Variants in PHF8 observed in about 807,000 individuals in gnomAD.
PHF8 encodes the protein histone lysine demethylase PHF8.
PHF8 carries 9 observed loss-of-function variants against 74.4 expected under a neutral mutation model. The observed-to-expected ratio is 0.12, with a 90% CI of 0.07 to 0.21. The LOEUF is 0.21. PHF8 is among the 10% of genes least tolerant of loss of function. The probability of loss-of-function intolerance (pLI) is 1.00; values close to 1 mark genes in which losing one functional copy is unlikely to be tolerated. For missense variants in PHF8, 478 were observed against 816.6 expected, an observed-to-expected ratio of 0.59 and a Z score of 5.05; for synonymous variants, 311 against 316.6, an observed-to-expected ratio of 0.98 and a Z score of 0.19.
intron 21 of PHF8, 142 bp downstream of exon 21, chrX:53,940,038 T>C: frequency 2.1e-6 from 1 of 486,530 alleles, no homozygotes. Flanking sequence ...TCAACATCTC[T>C]CCATGGCCCA....
intron 18 of PHF8, among the ~76,000 whole-genome samples, chrX:53,965,150 TGCACGTGCACGTGTGCACACACACACAC>T (rs2065163827): frequency 9.0e-6 from 1 of 111,441 alleles, no homozygotes; most frequent in South Asian, 3.7e-4. Flanking sequence ...AAAAAGAACA[TGCACGTGCACGTGTGCACACACACACAC>T]GCACGCACAC....
chrX:53,942,683 G>A (rs1434575787), intron 20 of PHF8: 7 of 721,660 alleles, frequency 9.7e-6, no homozygotes, highest in African/African-American at 2.5e-5. Flanking sequence ...CACGAATGTT[G>A]TAGAAGCATA....
intron 14 of PHF8, among the ~76,000 whole-genome samples, chrX:53,989,739 A>T (rs1459154540): frequency 8.9e-6 from 1 of 112,284 alleles, no homozygotes; most frequent in Non-Finnish European, 1.9e-5. Flanking sequence ...TAATTTGGTT[A>T]AATTGACTTT....
intron 10 of PHF8, among the ~76,000 whole-genome samples, 197 bp downstream of exon 10, chrX:54,001,958 A>T (rs2065834244): frequency 9.0e-6 from 1 of 110,769 alleles, no homozygotes; most frequent in African/African-American, 3.3e-5. Flanking sequence ...CACTAGGGAG[A>T]TTTTTTTTAA....
At position 53,985,066 on chromosome X, in the gene PHF8, G is replaced by T. The variant is rs368382160; in HGVS notation, c.2291C>A (p.Thr764Lys). 1 of 1,209,523 alleles carries T rather than the reference G, an allele frequency of 8.3e-7. No homozygotes were observed. The highest frequency in any genetic ancestry group is 1.8e-5 in the African/African-American group (1 of 57,127). The stretch of plus-strand genomic sequence containing the variant: ...CTGGGAAGCAGGACTGTTAGACACT[G>T]TGCCCAGCCCACTGCTGGAGCTCCC... ...SSGSSSSGLGTVSNSPASQRT... is the reference protein window; with the variant it reads ...SSGSSSSGLGKVSNSPASQRT... The change falls in exon 18 of 22, where the codon ACA (threonine) becomes AAA (lysine). Residue 764 changes from threonine (T) to lysine (K), a missense_variant. Coordinates refer to ENST00000338154, the MANE Select transcript of PHF8 (RefSeq NM_015107.3).
intron 18 of PHF8, among the ~76,000 whole-genome samples, chrX:53,969,371 T>C (rs1328173279): frequency 2.8e-5 from 3 of 109,028 alleles, no homozygotes; most frequent in Non-Finnish European, 5.7e-5. Flanking sequence ...CCCTTTACAA[T>C]AGCTACAAAA....
chrX:54,024,549 A>T (rs1217258795), intron 2 of PHF8, among the ~76,000 whole-genome samples: 1 of 111,462 alleles, frequency 9.0e-6, no homozygotes, highest in Non-Finnish European at 1.9e-5. Context: ...CCCTTTCCCA[A>T]CTTGGTAAAC....
Position 53,936,880 on chromosome X carries a change from T to C in PHF8, c.*2278A>G, listed in dbSNP as rs1177639514. 1.8e-5 allele frequency: 2 copies of C among 111,535 alleles called. No homozygotes were observed. Among genetic ancestry groups the C allele is most frequent in the Non-Finnish European group, 3.8e-5 (2 of 53,068 alleles). The allele number at this position is 111,535 out of a possible 1,213,427, so 9.2% of individuals were successfully genotyped here. A position where few individuals can be genotyped will look rare whatever the true frequency, so the allele number is the denominator to read the frequency against. The stretch of plus-strand genomic sequence containing the variant: ...CCACTTCTAAAAATATATTTAGACA[T>C]GTACAGAAGCGGTGGGCTTGTTTTT... On this transcript the variant is annotated 3_prime_UTR_variant, in exon 22 of 22. Coordinates refer to ENST00000338154, the MANE Select transcript of PHF8 (RefSeq NM_015107.3).
At chrX:53,966,503 G>A (rs1557092688) in intron 18 of PHF8, among the ~76,000 whole-genome samples, 1 of 112,958 alleles carries the variant, frequency 8.9e-6, no homozygotes, top group African/African-American at 3.2e-5. Flanking sequence ...GGAGGTGCCA[G>A]GATTGCAGAC....
chrX:53,980,742 C>T (rs931334769), intron 18 of PHF8, among the ~76,000 whole-genome samples: 7 of 112,079 alleles, frequency 6.2e-5, no homozygotes, highest in East Asian at 2.8e-4. Flanking sequence ...AATTAGAAAA[C>T]GTAATACATA....
intron 16 of PHF8, 68 bp downstream of exon 16, chrX:53,987,009 GA>G (rs781953339): frequency 3.8e-5 from 25 of 653,051 alleles, no homozygotes; most frequent in Non-Finnish European, 6.1e-5. Context: ...CCCCCAACTA[GA>G]ATGACAATCT....
At position 53,985,704 on chromosome X, in the gene PHF8, T is replaced by C. The variant is rs181481057; in HGVS notation, c.2129+112A>G. ...CCCAAATGCCCTGGATAATTCTTTG[T>C]CCCTTTAAATAGCTCTATAAATATC... On this transcript the variant is annotated intron_variant, in intron 17 of 21. Coordinates refer to ENST00000338154, the MANE Select transcript of PHF8 (RefSeq NM_015107.3). 8 of 1,150,199 alleles carry C rather than the reference T, an allele frequency of 7.0e-6. No individual in the cohort carries two copies. The East Asian group carries it at 2.5e-4, about 36-fold the overall frequency. 94.8% of individuals were successfully genotyped at this position (1,150,199 alleles called of 1,213,427 possible).
intron 18 of PHF8, among the ~76,000 whole-genome samples, chrX:53,979,918 G>C (rs2065452387): frequency 1.8e-5 from 2 of 111,495 alleles, no homozygotes; most frequent in South Asian, 7.6e-4. Context: ...GAGCCCAGGA[G>C]GTGGAGGCTA....
chrX:54,025,012 G>A (rs1008063241), intron 2 of PHF8, among the ~76,000 whole-genome samples: 4 of 109,929 alleles, frequency 3.6e-5, no homozygotes, highest in Non-Finnish European at 1.9e-5. Context: ...GAGTAGCTGG[G>A]ACTACAGGCG....
upstream of PHF8, among the ~76,000 whole-genome samples, chrX:54,047,342 G>A (rs970761601): frequency 1.8e-5 from 2 of 112,184 alleles, no homozygotes; most frequent in Non-Finnish European, 3.8e-5. Flanking sequence ...ACTGGGCTAC[G>A]CAGAAGAGAA....
At chrX:54,002,104 A>G (rs782207351) in intron 10 of PHF8, 51 bp downstream of exon 10, 37 of 639,642 alleles carry the variant, frequency 5.8e-5, no homozygotes, top group Non-Finnish European at 9.3e-5. Flanking sequence ...ACACATACTC[A>G]TTCACTCAGG....
intron 14 of PHF8, among the ~76,000 whole-genome samples, chrX:53,988,146 T>C (rs1290744253): frequency 1.3e-4 from 14 of 111,665 alleles, no homozygotes; most frequent in African/African-American, 4.6e-4. Context: ...AAAAAGAACA[T>C]TGGATGACTT....
chrX:53,992,986 C>T (rs2065690865), intron 13 of PHF8, 147 bp from the exon 14 acceptor site: 1 of 496,640 alleles, frequency 2.0e-6, no homozygotes, highest in Non-Finnish European at 3.6e-6. Flanking sequence ...CATACCCCCA[C>T]TGATCACAGG....
intron 18 of PHF8, among the ~76,000 whole-genome samples, chrX:53,967,393 G>A (rs868982613): frequency 2.2e-3 from 221 of 98,864 alleles, no homozygotes; most frequent in African/African-American, 7.5e-3. Context: ...CCGGCCAGCC[G>A]CCCCGTCCGG....
Sources: gnomAD v4.1 joint callset for allele counts (sites outside exome capture counted in the v4.1 genomes callset) on GRCh38, gnomAD v4.1.1 for gene constraint, MANE v1.5 for transcripts, NCBI Gene and HGNC (gene_info 2026-07-23, HGNC 2026-07-21) for gene names.